The following EHHADH variants were observed in gnomAD, a reference collection of about 807,000 sequenced individuals.
The protein encoded by EHHADH is peroxisomal bifunctional enzyme.
EHHADH carries 48 observed loss-of-function variants against 64.4 expected under a neutral mutation model. That is an observed-to-expected ratio of 0.75 (90% CI 0.59 to 0.95). The LOEUF is 0.95. Among genes scored for constraint, EHHADH ranks in the 40% least tolerant of loss-of-function variants. The probability of loss-of-function intolerance (pLI) is 0.00; values close to 1 mark genes in which losing one functional copy is unlikely to be tolerated. For missense variants in EHHADH, 854 were observed against 876.6 expected, an observed-to-expected ratio of 0.97 and a Z score of 0.33; for synonymous variants, 308 against 326.7, an observed-to-expected ratio of 0.94 and a Z score of 0.62.
intron 6 of EHHADH, 113 bp from the exon 7 acceptor site, chr3:185,193,600 C>A: frequency 4.1e-6 from 5 of 1,210,254 alleles, no homozygotes; most frequent in South Asian, 1.5e-5. Context: ...GAGATTGAGT[C>A]AAGAAACACA....
In EHHADH at chr3:185,248,449, ATGGC is replaced by A. The variant is rs745634249; in HGVS notation, c.139_142del (p.Ala47LeufsTer2). On this transcript the variant is annotated frameshift_variant, in exon 2 of 7. Transcript: ENST00000231887. LOFTEE classifies it high-confidence loss of function. The stretch of plus-strand genomic sequence containing the variant: ...TTTGCCCTCTGCTCCACAAATCACA[ATGGC>A]TTTTATTGTATGGTCTATTACAGCT... 1.9e-6 allele frequency: 3 copies of A among 1,614,120 alleles called. No homozygotes were observed. The East Asian group carries it at 6.7e-5, about 36-fold the overall frequency.
chr3:185,245,962 C>G (rs1350874030), intron 2 of EHHADH: 5 of 1,493,532 alleles, frequency 3.3e-6, no homozygotes, highest in African/African-American at 1.4e-5. Context: ...CAGGGCCTGT[C>G]TGATTACTGA....
chr3:185,201,735 A>C (rs1294231355), intron 6 of EHHADH, among the ~76,000 whole-genome samples: 1 of 152,152 alleles, frequency 6.6e-6, no homozygotes, highest in Non-Finnish European at 1.5e-5. Flanking sequence ...AACAATGTGG[A>C]TATCATTTTA....
In EHHADH at chr3:185,193,103, T is replaced by C. The variant is rs2108622611; in HGVS notation, c.1295A>G (p.His432Arg). 6.2e-7 allele frequency: 1 copy of C among 1,613,774 alleles called. No individual in the cohort carries two copies. Among genetic ancestry groups the C allele is most frequent in the East Asian group, 2.2e-5 (1 of 44,876 alleles). The change falls in exon 7 of 7, where the codon CAC becomes CGC. Residue 432 changes from histidine to arginine, a missense_variant. Coordinates refer to ENST00000231887, the MANE Select transcript of EHHADH (RefSeq NM_001966.4). Reference sequence around the variant, plus strand: ...CATGACATGAGCTGGCGAAAAGAAGTGGGTGCCAATGACCAAGTGAGGACG... The same window carrying C: ...CATGACATGAGCTGGCGAAAAGAAGCGGGTGCCAATGACCAAGTGAGGACG... ...TDRPHLVIGT[H>R]FFSPAHVMKL...
intron 6 of EHHADH, among the ~76,000 whole-genome samples, 178 bp from the exon 7 acceptor site, chr3:185,193,665 T>G (rs1374719846): frequency 1.3e-5 from 2 of 152,112 alleles, no homozygotes; most frequent in African/African-American, 4.8e-5. Context: ...TCAGAGGATA[T>G]AAAAATTAGT....
At chr3:185,232,818 G>A (rs1360572877) in intron 3 of EHHADH, among the ~76,000 whole-genome samples, 2 of 152,178 alleles carry the variant, frequency 1.3e-5, no homozygotes, top group African/African-American at 4.8e-5. Flanking sequence ...GAGGCCAGAA[G>A]GCATGAAATA....
chr3:185,224,697 A>G (rs1454971328), intron 4 of EHHADH, among the ~76,000 whole-genome samples: 1 of 152,182 alleles, frequency 6.6e-6, no homozygotes, highest in African/African-American at 2.4e-5. Flanking sequence ...ACAGGTCAGC[A>G]GAAGGTGTTC....
At chr3:185,215,579 G>A (rs1450565499) in intron 5 of EHHADH, among the ~76,000 whole-genome samples, 1 of 152,062 alleles carries the variant, frequency 6.6e-6, no homozygotes, top group Admixed American at 6.5e-5. Context: ...TTGTGGCCAT[G>A]GTTATACAAC....
intron 4 of EHHADH, among the ~76,000 whole-genome samples, chr3:185,222,423 T>C (rs371814647): frequency 6.6e-6 from 1 of 152,218 alleles, no homozygotes; most frequent in East Asian, 1.9e-4. Flanking sequence ...CTGCAAGCTT[T>C]AAAAATGTTT....
At chr3:185,214,847 A>G (rs955064990) in intron 5 of EHHADH, among the ~76,000 whole-genome samples, 3 of 152,200 alleles carry the variant, frequency 2.0e-5, no homozygotes, top group African/African-American at 4.8e-5. Flanking sequence ...ATATTTTATG[A>G]TAATCTAAAA....
chr3:185,253,484 G>A (rs1436274568), intron 1 of EHHADH, among the ~76,000 whole-genome samples: 1 of 150,500 alleles, frequency 6.6e-6, no homozygotes, highest in African/African-American at 2.4e-5. Context: ...ACGAGTTAAT[G>A]GGTGCAGCAC....
intron 4 of EHHADH, chr3:185,226,898 CAAT>C (rs1447596371): frequency 5.3e-5 from 8 of 152,168 alleles, no homozygotes; most frequent in Admixed American, 3.9e-4. Context: ...TGAAATATGA[CAAT>C]GATGATTATT....
intron 1 of EHHADH, among the ~76,000 whole-genome samples, chr3:185,248,949 G>C (rs1719670837): frequency 6.6e-6 from 1 of 152,180 alleles, no homozygotes; most frequent in African/African-American, 2.4e-5. Flanking sequence ...AAGTGATGTT[G>C]AAGTTCAGAG....
In EHHADH at chr3:185,245,329, C is replaced by T. The variant is rs180958901; in HGVS notation, c.178+3085G>A. 1,073 of 368,924 alleles carry T rather than the reference C, an allele frequency of 2.9e-3. 5 individuals carry two copies. Among genetic ancestry groups the T allele is most frequent in the Non-Finnish European group, 4.1e-3 (867 of 209,622 alleles). 22.9% of individuals were successfully genotyped at this position (368,924 alleles called of 1,614,324 possible). A position where few individuals can be genotyped will look rare whatever the true frequency, so the allele number is the denominator to read the frequency against. ...TCAGCATCTTGCAAGGATTTCACAC[C>T]AACCAGCCACTAGCCAAAGAACTTG... On this transcript the variant is annotated intron_variant, in intron 2 of 6. Transcript: ENST00000231887.
intron 6 of EHHADH, 97 bp downstream of exon 6, chr3:185,204,319 G>A: frequency 9.1e-7 from 1 of 1,102,034 alleles, no homozygotes; most frequent in South Asian, 1.6e-5. Flanking sequence ...CAAGTAATGT[G>A]TCTTACGTGA....
chr3:185,191,901 C>A lies in EHHADH; in HGVS notation c.*325G>T. On this transcript the variant is annotated 3_prime_UTR_variant, in exon 7 of 7. Transcript: ENST00000231887. Reference sequence around the variant, plus strand: ...GAATGTATGACTTAGCTGCATTTATCATTTATTAATTGATGACACATTTAT... The same window carrying A: ...GAATGTATGACTTAGCTGCATTTATAATTTATTAATTGATGACACATTTAT... 1 of 301,746 alleles carries A rather than the reference C, an allele frequency of 3.3e-6. No homozygotes were observed. The highest frequency in any genetic ancestry group is 6.1e-6 in the Non-Finnish European group (1 of 163,230). The allele number at this position is 301,746 out of a possible 1,614,324, so 18.7% of individuals were successfully genotyped here. A position where few individuals can be genotyped will look rare whatever the true frequency, so the allele number is the denominator to read the frequency against.
In EHHADH at chr3:185,193,261, A is replaced by C. The variant is rs113141052; in HGVS notation, c.1137T>G (p.Ile379Met). The C allele has an allele frequency of 6.2e-7, 1 of 1,602,154 alleles. No homozygotes were observed. Among genetic ancestry groups the C allele is most frequent in the East Asian group, 2.2e-5 (1 of 44,838 alleles). The change falls in exon 7 of 7, where the codon ATT (isoleucine) becomes ATG (methionine). Residue 379 changes from isoleucine to methionine, a missense_variant. Physicochemically the swap from Ile to Met is conservative, Grantham distance 10. Transcript: ENST00000231887. ...VKELGGVDLV[I>M]EAVFEEMSLK... ...GGCTCATTTCCTCAAATACTGCTTC[A>C]ATGACTAAATCTACACCACCAAGCT...
In EHHADH at chr3:185,213,650, C is replaced by T. The variant is rs570277851; in HGVS notation, c.568+4486G>A. Among the ~76,000 whole-genome samples the T allele has an allele frequency of 9.2e-5, 14 of 151,934 alleles. No individual in the cohort carries two copies. The East Asian group carries it at 1.9e-3, about 21-fold the overall frequency. On this transcript the variant is annotated intron_variant, in intron 5 of 6. Transcript: ENST00000231887. ...ATCCCAGCACTTTGGGAGGTAGAGG[C>T]GGGTGGATCACCTGAGGTCAGGAGT...
intron 2 of EHHADH, chr3:185,246,352 T>C (rs1224704869): frequency 2.8e-6 from 2 of 706,128 alleles, no homozygotes; most frequent in Non-Finnish European, 4.6e-6. Flanking sequence ...CCTGTTTGAG[T>C]ATCCCCTTCC....
Sources: gnomAD v4.1 joint callset for allele counts (sites outside exome capture counted in the v4.1 genomes callset) on GRCh38, gnomAD v4.1.1 for gene constraint, MANE v1.5 for transcripts, NCBI Gene and HGNC (gene_info 2026-07-23, HGNC 2026-07-21) for gene names.